The following CFDP1 variants were observed in gnomAD, a reference collection of about 807,000 sequenced individuals.
CFDP1 encodes the protein chromatin remodeling protein CFDP1, also known as heterochromatin-stabilizing protein CFDP1.
A neutral mutation model predicts 40.1 loss-of-function variants in CFDP1; 31 were observed. The observed-to-expected ratio is 0.77, with a 90% confidence interval of 0.58 to 1.04. The LOEUF is 1.04. CFDP1 is among the 50% of genes least tolerant of loss of function. The pLI, the probability that CFDP1 is intolerant of heterozygous loss-of-function variation, is 0.00. For synonymous variants in CFDP1, 167 were observed against 120.0 expected (o/e 1.39, Z -2.56); for missense variants, 423 against 343.4 (o/e 1.23, Z -1.83).
intron 5 of CFDP1, among the ~76,000 whole-genome samples, chr16:75,312,817 C>T (rs938462813): frequency 6.6e-6 from 1 of 152,156 alleles, no homozygotes; most frequent in African/African-American, 2.4e-5. Context: ...CACCACCATC[C>T]ATTTGTAATT....
At chr16:75,303,365 CTAAATAAA>C (rs576854066) in intron 6 of CFDP1, among the ~76,000 whole-genome samples, 33 of 136,182 alleles carry the variant, frequency 2.4e-4, no homozygotes, top group South Asian at 7.1e-4. Context: ...GACTCCATCT[CTAAATAAA>C]TAAATAAATA....
At chr16:75,319,136 C>T (rs1047387957) in intron 5 of CFDP1, among the ~76,000 whole-genome samples, 11 of 152,124 alleles carry the variant, frequency 7.2e-5, no homozygotes, top group South Asian at 4.1e-4. Context: ...CTCTGCCTCC[C>T]GGGTTCAAGT....
At chr16:75,387,286 G>A (rs1024090034) in intron 5 of CFDP1, among the ~76,000 whole-genome samples, 1 of 152,034 alleles carries the variant, frequency 6.6e-6, no homozygotes, top group Non-Finnish European at 1.5e-5. Context: ...GACTACAGGC[G>A]CCCACCACCA....
At chr16:75,383,108 G>T (rs925237929) in intron 5 of CFDP1, among the ~76,000 whole-genome samples, 11 of 152,256 alleles carry the variant, frequency 7.2e-5, no homozygotes, top group African/African-American at 2.4e-4. Flanking sequence ...GAAAATATTG[G>T]CCTAGCTTTA....
At chr16:75,362,266 T>C (rs1351999283) in intron 5 of CFDP1, among the ~76,000 whole-genome samples, 1 of 152,212 alleles carries the variant, frequency 6.6e-6, no homozygotes. Flanking sequence ...CTATGGCCTA[T>C]GGTGTAGCAT....
chr16:75,326,078 T>C (rs994809955), intron 5 of CFDP1, among the ~76,000 whole-genome samples: 1 of 152,258 alleles, frequency 6.6e-6, no homozygotes, highest in Non-Finnish European at 1.5e-5. Flanking sequence ...TCTTTGCTCT[T>C]TGTTTTTTGG....
At chr16:75,410,543 G>C (rs963087039) in intron 4 of CFDP1, among the ~76,000 whole-genome samples, 3 of 152,106 alleles carry the variant, frequency 2.0e-5, no homozygotes, top group Non-Finnish European at 4.4e-5. Flanking sequence ...TGAGGCCAAG[G>C]CAGGCGGATC....
chr16:75,316,744 C>T (rs1462901522), intron 5 of CFDP1, among the ~76,000 whole-genome samples: 1 of 151,964 alleles, frequency 6.6e-6, no homozygotes, highest in Non-Finnish European at 1.5e-5. Flanking sequence ...CCAAGGCGGG[C>T]GGATCACCTG....
At chr16:75,402,911 A>G (rs2079067459) in intron 4 of CFDP1, among the ~76,000 whole-genome samples, 1 of 151,338 alleles carries the variant, frequency 6.6e-6, no homozygotes. Context: ...TTTTCATGTT[A>G]TATATATTAT....
chr16:75,332,830 CAG>C (rs1458597298), intron 5 of CFDP1, among the ~76,000 whole-genome samples: 1 of 129,014 alleles, frequency 7.8e-6, no homozygotes, highest in Non-Finnish European at 1.6e-5. Context: ...TTTTTTGAGA[CAG>C]AGTCTCGTTC....
chr16:75,319,853 G>C (rs2078349846), intron 5 of CFDP1, among the ~76,000 whole-genome samples: 1 of 152,204 alleles, frequency 6.6e-6, no homozygotes, highest in African/African-American at 2.4e-5. Flanking sequence ...TGAGCCCTAA[G>C]TGTCACTTTG....
chr16:75,311,594 CACT>C (rs2078292874), intron 5 of CFDP1, among the ~76,000 whole-genome samples: 1 of 152,126 alleles, frequency 6.6e-6, no homozygotes, highest in Non-Finnish European at 1.5e-5. Flanking sequence ...ACAGAAGCAC[CACT>C]GATCTTTAAT....
chr16:75,429,080 G>A lies in CFDP1; in HGVS notation c.64+4209C>T, dbSNP rs552707422. Among the ~76,000 whole-genome samples the A allele has an allele frequency of 4.7e-4, 71 of 151,950 alleles. No individual in the cohort carries two copies. In the Middle Eastern group the frequency reaches 0.017, roughly 36 times the overall value. Reference sequence around the variant, plus strand: ...TGCAGGGAGCCTAGATGCCACCACTGCACTCTAGCCTGGACAAGAGAGACA... The same window carrying A: ...TGCAGGGAGCCTAGATGCCACCACTACACTCTAGCCTGGACAAGAGAGACA... On this transcript the variant is annotated intron_variant, in intron 1 of 6. Coordinates refer to ENST00000283882, the MANE Select transcript of CFDP1 (RefSeq NM_006324.3).
At chr16:75,385,749 T>TA (rs35251820) in intron 5 of CFDP1, among the ~76,000 whole-genome samples, 73,993 of 152,050 alleles carry the variant, frequency 0.49, 19,777 homozygotes, top group Admixed American at 0.63. Flanking sequence ...TAAAAGAAGT[T>TA]AAAGACCTAT....
chr16:75,327,695 A>C (rs1476233811), intron 5 of CFDP1, among the ~76,000 whole-genome samples: 3 of 152,168 alleles, frequency 2.0e-5, no homozygotes, highest in African/African-American at 7.2e-5. Flanking sequence ...GTAGTGAACA[A>C]TACTGGATAA....
intron 1 of CFDP1, among the ~76,000 whole-genome samples, chr16:75,432,370 T>TTAA (rs758966301): frequency 1.9e-5 from 2 of 105,576 alleles, no homozygotes. Flanking sequence ...ATGCCATTTC[T>TTAA]AAAAAAAAAA....
At chr16:75,296,526 G>A (rs1177131256) in intron 6 of CFDP1, among the ~76,000 whole-genome samples, 1 of 152,204 alleles carries the variant, frequency 6.6e-6, no homozygotes, top group Non-Finnish European at 1.5e-5. Flanking sequence ...GAGCCATCGG[G>A]CCCAGCCCTG....
At position 75,433,428 on chromosome 16, in the gene CFDP1, C is replaced by T; in HGVS notation, c.-76G>A. 1 of 1,436,410 alleles carries T rather than the reference C, an allele frequency of 7.0e-7. No individual in the cohort carries two copies. The highest frequency in any genetic ancestry group is 9.5e-7 in the Non-Finnish European group (1 of 1,052,944). 89.0% of individuals were successfully genotyped at this position (1,436,410 alleles called of 1,614,324 possible). A position where few individuals can be genotyped will look rare whatever the true frequency, so the allele number is the denominator to read the frequency against. On this transcript the variant is annotated 5_prime_UTR_variant, in exon 1 of 7. The change creates a premature stop within an existing upstream ORF in the 5' untranslated region. Transcript: ENST00000283882. The stretch of plus-strand genomic sequence containing the variant: ...CCAACGGCAAAGCTCTAGGGAGAGA[C>T]CATAGAGCCCCGGCGGCGGCGACGG...
intron 5 of CFDP1, among the ~76,000 whole-genome samples, chr16:75,327,848 C>G (rs184635424): frequency 1.3e-5 from 2 of 152,038 alleles, no homozygotes; most frequent in Non-Finnish European, 2.9e-5. Context: ...CTCAGCCTCC[C>G]GAATAGCTGG....
Sources: allele counts gnomAD v4.1 joint callset (sites outside exome capture counted in the v4.1 genomes callset), GRCh38; gene constraint gnomAD v4.1.1; transcripts MANE v1.5; gene names NCBI Gene and HGNC (gene_info 2026-07-23, HGNC 2026-07-21).